The following PPM1J variants were observed in gnomAD, a reference collection of about 807,000 sequenced individuals.
PPM1J encodes the protein protein phosphatase, Mg2+/Mn2+ dependent 1J.
PPM1J carries 43 observed loss-of-function variants against 53.3 expected under a neutral mutation model. The ratio of observed to expected loss-of-function variants is 0.81; its 90% CI spans 0.63 to 1.04. The LOEUF is 1.04. Among genes scored for constraint, PPM1J ranks in the 50% least tolerant of loss-of-function variants. PPM1J has a pLI of 0.00. For synonymous variants in PPM1J, 267 were observed against 286.4 expected (o/e 0.93, Z 0.68); for missense variants, 635 against 685.9 (o/e 0.93, Z 0.83).
Position 112,712,002 on chromosome 1 carries a change from G to A in PPM1J, c.896C>T (p.Pro299Leu), listed in dbSNP as rs893133931. The change falls in exon 5 of 10, where the codon CCG becomes CTG. Residue 299 changes from proline to leucine, a missense_variant. By Grantham distance (98) the Pro-to-Leu change is moderately conservative. Coordinates refer to ENST00000309276, the MANE Select transcript of PPM1J (RefSeq NM_005167.7). ...CTGAAGACGCTGGCGCTCAGTCTCC[G>A]GGGTAAACTCCCGGGACATTGGAAT... ...EIIPMSREFT[P>L]ETERQRLQLL... The A allele has an allele frequency of 1.1e-5, 17 of 1,610,458 alleles. No individual in the cohort carries two copies. Among genetic ancestry groups the A allele is most frequent in the Non-Finnish European group, 1.3e-5 (15 of 1,177,570 alleles).
At chr1:112,711,901 AG>A in intron 5 of PPM1J, 69 bp downstream of exon 5, 1 of 1,109,004 alleles carries the variant, frequency 9.0e-7, no homozygotes, top group Non-Finnish European at 1.3e-6. Flanking sequence ...GAGAGTTCTC[AG>A]GGCCATGGGG....
rs893437955 is a variant in PPM1J at position 112,711,135 on chromosome 1, C to T, written c.1047-64G>A. On this transcript the variant is annotated intron_variant, in intron 6 of 9. Coordinates refer to ENST00000309276, the MANE Select transcript of PPM1J (RefSeq NM_005167.7). ...CAAAGCCCCTCTCCCCTAGGAGCTG[C>T]ATACCCTCACACAAACCCCTTAGAA... 63 of 1,519,518 alleles carry T rather than the reference C, an allele frequency of 4.1e-5. No homozygotes were observed. In the South Asian group the frequency reaches 6.3e-4, roughly 15 times the overall value. The allele number at this position is 1,519,518 out of a possible 1,614,324, so 94.1% of individuals were successfully genotyped here. A position where few individuals can be genotyped will look rare whatever the true frequency, so the allele number is the denominator to read the frequency against.
intron 3 of PPM1J, 65 bp from the exon 4 acceptor site, chr1:112,712,522 C>A (rs1675089015): frequency 2.9e-6 from 4 of 1,392,372 alleles, no homozygotes; most frequent in Non-Finnish European, 4.0e-6. Flanking sequence ...TCACCCTCCC[C>A]CTACCCCCTC....
At chr1:112,710,701 C>A (rs762118185) in intron 8 of PPM1J, 43 bp downstream of exon 8, 1 of 1,613,084 alleles carries the variant, frequency 6.2e-7, no homozygotes, top group South Asian at 1.1e-5. Flanking sequence ...GAAAGCTGGC[C>A]TGAGACTCCC....
rs866450230 is a variant in PPM1J at position 112,712,800 on chromosome 1, C to G, written c.673G>C (p.Glu225Gln). 2 of 1,613,040 alleles carry G rather than the reference C, an allele frequency of 1.2e-6. No homozygotes were observed. Among genetic ancestry groups the G allele is most frequent in the African/African-American group, 1.3e-5 (1 of 74,900 alleles). ...ACTACCAGGCTCTCGTGGCTCACTT[C>G]CTTCTGTGAAGACCAGCAGGACTGA... ...GPQSCWSSQK[E>Q]VSHESLVVGA... Residue 225 changes from glutamate to glutamine, a missense_variant, in exon 3 of 10, where the codon GAA (glutamate) becomes CAA (glutamine). Glu to Gln is a conservative substitution (Grantham distance 29). Transcript: ENST00000309276.
Position 112,711,037 on chromosome 1 carries a change from AC to A in PPM1J, c.1080del (p.Arg360SerfsTer14). ...AYKKIELEDL[R>X]FPLVCGEGKK... The stretch of plus-strand genomic sequence containing the variant: ...TTGCCCTCCCCACAGACCAGAGGAA[AC>A]CTGAGATCCTCCAGCTCGATCTTTT... On this transcript the variant is annotated frameshift_variant, in exon 7 of 10. Transcript: ENST00000309276. LOFTEE classifies it high-confidence loss of function. The A allele has an allele frequency of 6.2e-7, 1 of 1,614,008 alleles. No homozygotes were observed. Among genetic ancestry groups the A allele is most frequent in the Non-Finnish European group, 8.5e-7 (1 of 1,179,952 alleles).
In PPM1J at chr1:112,710,252, C is replaced by G. The variant is rs745600318; in HGVS notation, c.1429G>C (p.Gly477Arg). The G allele has an allele frequency of 8.2e-6, 13 of 1,594,814 alleles. No homozygotes were observed. The highest frequency in any genetic ancestry group is 1.9e-5 in the Admixed American group (1 of 52,354). The change falls in exon 10 of 10, where the codon GGC becomes CGC. Residue 477 changes from glycine to arginine, a missense_variant. Gly to Arg is a moderately radical substitution (Grantham distance 125). Transcript: ENST00000309276. Reference protein sequence around the residue: ...LGARGTPRDRGWRLPNNKLGS... With the variant: ...LGARGTPRDRRWRLPNNKLGS... ...AGCTTGTTGTTGGGGAGACGCCAGC[C>G]ACGGTCTCGGGGGGTACCCCGGGCC... is the stretch of plus-strand genomic sequence containing the variant.
chr1:112,710,923 C>T (rs1675041038), intron 7 of PPM1J, 72 bp from the exon 8 acceptor site: 8 of 1,587,194 alleles, frequency 5.0e-6, no homozygotes, highest in Admixed American at 5.0e-5. Context: ...TCCCTTCCAC[C>T]CCTACCCTCA....
intron 8 of PPM1J, 65 bp from the exon 9 acceptor site, chr1:112,710,676 A>G: frequency 1.2e-6 from 2 of 1,613,218 alleles, no homozygotes; most frequent in Non-Finnish European, 1.7e-6. Context: ...GCTTGGAGAT[A>G]AAGGGACTGC....
Position 112,715,095 on chromosome 1 carries a change from T to C in PPM1J, c.207A>G (p.Arg69=). 6.4e-7 allele frequency: 1 copy of C among 1,562,344 alleles called. No individual in the cohort carries two copies. The highest frequency in any genetic ancestry group is 8.6e-7 in the Non-Finnish European group (1 of 1,163,890). The change falls in exon 1 of 10, where the codon AGA becomes AGG. Residue 69 remains arginine, a synonymous_variant. Transcript: ENST00000309276. The surrounding 1 kb of genome is among the most constrained non-coding windows in gnomAD (Gnocchi z 4.4). ...KAVEARASFS[R]PTFLQLSPGG... Reference sequence around the variant, plus strand: ...CGGGGCTCAGCTGCAGAAAGGTCGGTCTGGAGAAGCTCGCTCGAGCCTCAA... The same window carrying C: ...CGGGGCTCAGCTGCAGAAAGGTCGGCCTGGAGAAGCTCGCTCGAGCCTCAA...
chr1:112,710,364 A>C (rs1161225261), intron 9 of PPM1J, 54 bp from the exon 10 acceptor site: 1 of 1,612,106 alleles, frequency 6.2e-7, no homozygotes, highest in Non-Finnish European at 8.5e-7. Flanking sequence ...GGGAAGACAG[A>C]TACACAGGCC....
At chr1:112,712,525 A>C (rs1570842268) in intron 3 of PPM1J, 68 bp from the exon 4 acceptor site, 2 of 1,350,844 alleles carry the variant, frequency 1.5e-6, no homozygotes, top group Non-Finnish European at 2.1e-6. Context: ...CCCTCCCCCT[A>C]CCCCCTCCAC....
chr1:112,711,836 A>T, intron 5 of PPM1J, 135 bp downstream of exon 5: 1 of 635,000 alleles, frequency 1.6e-6, no homozygotes, highest in Non-Finnish European at 2.7e-6. Flanking sequence ...CGCACTCCAT[A>T]GTCCACACAG....
intron 1 of PPM1J, chr1:112,714,549 G>C: frequency 3.0e-6 from 3 of 997,864 alleles, no homozygotes; most frequent in Non-Finnish European, 3.6e-6. Flanking sequence ...TGGGGCGCTG[G>C]AGCCGGGAAG....
Position 112,711,990 on chromosome 1 carries a change from C to G in PPM1J, c.908G>C (p.Arg303Pro), listed in dbSNP as rs201233160. 1 of 1,607,384 alleles carries G rather than the reference C, an allele frequency of 6.2e-7. No homozygotes were observed. Among genetic ancestry groups the G allele is most frequent in the Admixed American group, 1.7e-5 (1 of 59,682 alleles). The change falls in exon 5 of 10, where the codon CGC becomes CCC. Residue 303 changes from arginine (R) to proline (P), a missense_variant. Coordinates refer to ENST00000309276, the MANE Select transcript of PPM1J (RefSeq NM_005167.7). ...MSREFTPETE[R>P]QRLQLLGFLK... ...ACTTACAAGCAGCTGAAGACGCTGGCGCTCAGTCTCCGGGGTAAACTCCCG... is the reference window on the plus strand; with the variant it reads ...ACTTACAAGCAGCTGAAGACGCTGGGGCTCAGTCTCCGGGGTAAACTCCCG...
At position 112,710,009 on chromosome 1, in the gene PPM1J, CGTTT is replaced by C; in HGVS notation, c.*150_*153del. 1 of 1,448,470 alleles carries C rather than the reference CGTTT, an allele frequency of 6.9e-7. No individual in the cohort carries two copies. The highest frequency in any genetic ancestry group is 9.1e-7 in the Non-Finnish European group (1 of 1,102,662). The allele number at this position is 1,448,470 out of a possible 1,614,324, so 89.7% of individuals were successfully genotyped here. ...TACAGACACACACCTTTATCCATCT[CGTTT>C]ATTTGCCAATAGCTGTAATTTTGGA... On this transcript the variant is annotated 3_prime_UTR_variant, in exon 10 of 10. Coordinates refer to ENST00000309276, the MANE Select transcript of PPM1J (RefSeq NM_005167.7).
rs1209112359 is a variant in PPM1J, at chr1:112,713,152, G to A, written c.442-121C>T. The A allele has an allele frequency of 7.2e-6, 7 of 966,392 alleles. No individual in the cohort carries two copies. In the Admixed American group the frequency reaches 1.7e-4, roughly 23 times the overall value. The allele number at this position is 966,392 out of a possible 1,614,324, so 59.9% of individuals were successfully genotyped here. A position where few individuals can be genotyped will look rare whatever the true frequency, so the allele number is the denominator to read the frequency against. ...ATCCATACAAACATCTGAGAGGTCA[G>A]TGTTTGCTACTGAAGGCAAATTAGG... On this transcript the variant is annotated intron_variant, in intron 2 of 9. Transcript: ENST00000309276.
intron 2 of PPM1J, 47 bp downstream of exon 2, chr1:112,713,450 C>T: frequency 1.5e-6 from 2 of 1,363,784 alleles, no homozygotes; most frequent in Non-Finnish European, 1.0e-6. Flanking sequence ...GCCTGAGTCC[C>T]TGGGGAGAGG....
At chr1:112,714,662 G>A in intron 1 of PPM1J, 1 of 1,194,190 alleles carries the variant, frequency 8.4e-7, no homozygotes, top group Non-Finnish European at 1.0e-6. Flanking sequence ...GGGCCGCGAC[G>A]GGGAACTGGC....
Sources: allele counts gnomAD v4.1 joint callset, GRCh38; gene constraint gnomAD v4.1.1; non-coding constraint Gnocchi (gnomAD v3.1); transcripts MANE v1.5; gene names NCBI Gene and HGNC (gene_info 2026-07-23, HGNC 2026-07-21).